KCNIP4: variants seen among roughly 807,000 people sequenced by gnomAD.
The protein encoded by KCNIP4 is potassium voltage-gated channel interacting protein 4, also known as Kv channel-interacting protein 4.
KCNIP4 carries 12 observed loss-of-function variants against 34.0 expected under a neutral mutation model. The ratio of observed to expected loss-of-function variants is 0.35; its 90% CI spans 0.23 to 0.57. The LOEUF (loss-of-function observed/expected upper bound fraction) is 0.57, where lower values mean the gene tolerates loss of function less well. Ranked by LOEUF, KCNIP4 falls within the 20% of genes least tolerant of loss-of-function variation. KCNIP4 has a pLI of 0.83. For missense variants in KCNIP4, 238 were observed against 311.7 expected, an observed-to-expected ratio of 0.76 and a Z score of 1.78; for synonymous variants, 124 against 102.2, an observed-to-expected ratio of 1.21 and a Z score of -1.29.
intron 1 of KCNIP4, among the ~76,000 whole-genome samples, chr4:20,887,822 A>C (rs1474430843): frequency 6.6e-6 from 1 of 152,290 alleles, no homozygotes; most frequent in East Asian, 1.9e-4. Context: ...AGGAAATTGA[A>C]AATATGTGAA....
intron 1 of KCNIP4, chr4:21,845,609 G>A (rs1723967994): frequency 1.3e-5 from 2 of 151,960 alleles, no homozygotes; most frequent in Admixed American, 6.6e-5. Flanking sequence ...AAGTTACATA[G>A]GAGCTTGACA....
At chr4:21,742,032 A>C (rs182420342) in intron 1 of KCNIP4, among the ~76,000 whole-genome samples, 1 of 152,138 alleles carries the variant, frequency 6.6e-6, no homozygotes, top group Admixed American at 6.6e-5. Flanking sequence ...GCGAGACTCC[A>C]TCTCAAAATA....
intron 1 of KCNIP4, chr4:21,544,430 C>A (rs1737970063): frequency 6.6e-6 from 1 of 152,332 alleles, no homozygotes; most frequent in South Asian, 2.1e-4. Flanking sequence ...TGACTGGGTT[C>A]TCTGCTGAGA....
chr4:21,872,745 G>T (rs150085612), intron 1 of KCNIP4, among the ~76,000 whole-genome samples: 86 of 152,300 alleles, frequency 5.6e-4, no homozygotes, highest in African/African-American at 2.0e-3. Flanking sequence ...AGGGGAGTAT[G>T]CCTGAAGAGA....
intron 1 of KCNIP4, among the ~76,000 whole-genome samples, chr4:21,795,535 C>A (rs1720568585): frequency 6.6e-6 from 1 of 152,048 alleles, no homozygotes; most frequent in African/African-American, 2.4e-5. Context: ...AAATAGGTCA[C>A]CAAGGATTTG....
At chr4:21,268,080 T>A (rs181681844) in intron 1 of KCNIP4, among the ~76,000 whole-genome samples, 1 of 152,314 alleles carries the variant, frequency 6.6e-6, no homozygotes, top group East Asian at 1.9e-4. Flanking sequence ...GTTATTCTTA[T>A]ACTTTCTATC....
chr4:21,093,830 C>T (rs906135931), intron 1 of KCNIP4, among the ~76,000 whole-genome samples: 1 of 152,098 alleles, frequency 6.6e-6, no homozygotes, highest in South Asian at 2.1e-4. Flanking sequence ...CGCCTGTAAT[C>T]CTAGCACTTT....
chr4:21,585,491 G>A (rs1424832822), intron 1 of KCNIP4, among the ~76,000 whole-genome samples: 1 of 151,968 alleles, frequency 6.6e-6, no homozygotes, highest in Non-Finnish European at 1.5e-5. Context: ...TGAAAACAAA[G>A]GAAAGAAATT....
chr4:20,956,621 AAT>A (rs1286842013), intron 1 of KCNIP4, among the ~76,000 whole-genome samples: 1 of 152,244 alleles, frequency 6.6e-6, no homozygotes, highest in Non-Finnish European at 1.5e-5. Context: ...AGAATAAAAC[AAT>A]AGATTAAAAA....
chr4:21,368,910 G>C (rs1720063465), intron 1 of KCNIP4, among the ~76,000 whole-genome samples: 2 of 147,276 alleles, frequency 1.4e-5, no homozygotes, highest in Non-Finnish European at 2.9e-5. Context: ...GCCAAGAACA[G>C]TCTTCATTCA....
intron 1 of KCNIP4, among the ~76,000 whole-genome samples, chr4:21,327,392 T>C (rs1715193622): frequency 6.6e-6 from 1 of 152,190 alleles, no homozygotes; most frequent in African/African-American, 2.4e-5. Flanking sequence ...TTTTAAGATT[T>C]CCACTGAGAA....
chr4:21,115,005 T>C (rs1043410786), intron 1 of KCNIP4, among the ~76,000 whole-genome samples: 2 of 152,168 alleles, frequency 1.3e-5, no homozygotes, highest in Non-Finnish European at 2.9e-5. Context: ...TTCTTGTTAG[T>C]TTAATCTTAA....
At chr4:21,507,353 C>T (rs1419634984) in intron 1 of KCNIP4, among the ~76,000 whole-genome samples, 1 of 151,732 alleles carries the variant, frequency 6.6e-6, no homozygotes, top group Non-Finnish European at 1.5e-5. Flanking sequence ...CAACCTCCAC[C>T]TCCCGGGTTC....
chr4:20,896,899 G>A (rs144945697), intron 1 of KCNIP4, among the ~76,000 whole-genome samples: 139 of 151,702 alleles, frequency 9.2e-4, no homozygotes, highest in Non-Finnish European at 1.5e-3. Flanking sequence ...TAAGACAAGG[G>A]GCTCTACTTG....
intron 1 of KCNIP4, among the ~76,000 whole-genome samples, chr4:21,097,855 G>A (rs61644618): frequency 0.16 from 24,246 of 151,996 alleles, 2,045 homozygotes; most frequent in East Asian, 0.23. Context: ...GCTAGAAATG[G>A]TTAAGTTTAG....
At chr4:21,746,563 C>A (rs1303183026) in intron 1 of KCNIP4, among the ~76,000 whole-genome samples, 2 of 143,872 alleles carry the variant, frequency 1.4e-5, no homozygotes, top group Non-Finnish European at 3.0e-5. Flanking sequence ...ATATTATACT[C>A]AGTATAGGTC....
intron 1 of KCNIP4, among the ~76,000 whole-genome samples, chr4:21,216,641 G>A (rs868543801): frequency 1.3e-5 from 2 of 152,122 alleles, no homozygotes; most frequent in Admixed American, 6.6e-5. Flanking sequence ...GGGGTAGAAC[G>A]AGAACTAGGA....
intron 1 of KCNIP4, among the ~76,000 whole-genome samples, chr4:20,886,580 A>G (rs201633737): frequency 1.3e-5 from 2 of 152,218 alleles, no homozygotes; most frequent in East Asian, 3.8e-4. Flanking sequence ...ATAGAGCTGG[A>G]ATGCTGCAAG....
Position 21,327,434 on chromosome 4 carries a change from T to C in KCNIP4, c.62-444725A>G, listed in dbSNP as rs571141351. Among the ~76,000 whole-genome samples, 35 of 152,268 alleles carry C rather than the reference T, an allele frequency of 2.3e-4. 1 individual carries two copies. In the South Asian group the frequency reaches 6.4e-3, roughly 28 times the overall value. On this transcript the variant is annotated intron_variant, in intron 1 of 8. Coordinates refer to ENST00000382152, the MANE Select transcript of KCNIP4 (RefSeq NM_025221.6). Reference sequence around the variant, plus strand: ...TGCCATACATATTGGAGACCTATTGTATGTTATTTGTTTCTGTTTTCTTGC... The same window carrying C: ...TGCCATACATATTGGAGACCTATTGCATGTTATTTGTTTCTGTTTTCTTGC...
Sources: allele counts gnomAD v4.1 joint callset (sites outside exome capture counted in the v4.1 genomes callset), GRCh38; gene constraint gnomAD v4.1.1; transcripts MANE v1.5; gene names NCBI Gene and HGNC (gene_info 2026-07-23, HGNC 2026-07-21).